The following YTHDC1 variants were observed in gnomAD, a reference collection of about 807,000 sequenced individuals.
YTHDC1 encodes YTH N6-methyladenosine RNA binding protein C1, also known as YTH domain-containing protein 1.
In YTHDC1, 12 loss-of-function variants were observed where a neutral mutation model predicts 107.0. That is an observed-to-expected ratio of 0.11 (90% CI 0.07 to 0.18). YTHDC1 has a LOEUF of 0.18. Ranked by LOEUF, YTHDC1 falls within the 10% of genes least tolerant of loss-of-function variation. The pLI, the probability that YTHDC1 is intolerant of heterozygous loss-of-function variation, is 1.00. For synonymous variants in YTHDC1, 280 were observed against 289.5 expected (o/e 0.97, Z 0.33); for missense variants, 635 against 898.8 (o/e 0.71, Z 3.75).
rs1210615100 is a variant in YTHDC1 at position 68,337,645 on chromosome 4, T to C, written c.386A>G (p.Gln129Arg). 5.6e-6 allele frequency: 9 copies of C among 1,613,922 alleles called. No individual in the cohort carries two copies. In the East Asian group the frequency reaches 1.3e-4, roughly 24 times the overall value. The stretch of plus-strand genomic sequence containing the variant: ...TTTCCGGACACAGGTTTTTTCAGGT[T>C]GATTCTTATAAGGTTCTCTGGAGGC... ...SSASREPYKN[Q>R]PEKTCVRKRD... is the part of the protein sequence containing the mutation. The change falls in exon 3 of 17, where the codon CAA becomes CGA. Residue 129 changes from glutamine to arginine, a missense_variant. Physicochemically the swap from Gln to Arg is conservative, Grantham distance 43. Coordinates refer to ENST00000344157, the MANE Select transcript of YTHDC1 (RefSeq NM_001031732.4).
rs1725855840 is a variant in YTHDC1 at position 68,349,613 on chromosome 4, G to A, written c.28+113C>T. 14 of 1,020,648 alleles carry A rather than the reference G, an allele frequency of 1.4e-5. No homozygotes were observed. The South Asian group carries it at 1.7e-4, about 12-fold the overall frequency. The allele number at this position is 1,020,648 out of a possible 1,614,324, so 63.2% of individuals were successfully genotyped here. On this transcript the variant is annotated intron_variant, in intron 1 of 16. Coordinates refer to ENST00000344157, the MANE Select transcript of YTHDC1 (RefSeq NM_001031732.4). ...GGTGGGGGCCACCGGCTCCTCGCGAGGCCAGCTAACCTCCCCAACCCCCAC... is the reference window on the plus strand; with the variant it reads ...GGTGGGGGCCACCGGCTCCTCGCGAAGCCAGCTAACCTCCCCAACCCCCAC...
At chr4:68,348,664 T>A (rs114232966) in intron 1 of YTHDC1, among the ~76,000 whole-genome samples, 5,005 of 152,210 alleles carry the variant, frequency 0.033, 86 homozygotes, top group Middle Eastern at 0.065. Context: ...AAGACTCTCC[T>A]GATGCAGAAA....
At position 68,311,673 on chromosome 4, in the gene YTHDC1, A is replaced by G. The variant is rs1269517169; in HGVS notation, c.*2426T>C. ...AAAATTAGGAAAGGAGAAAACAGTG[A>G]TGATTATGTGAGCCAACAGAATTGT... On this transcript the variant is annotated 3_prime_UTR_variant, in exon 17 of 17. Transcript: ENST00000344157. 3 of 152,216 alleles carry G rather than the reference A, an allele frequency of 2.0e-5. No homozygotes were observed. The highest frequency in any genetic ancestry group is 6.5e-5 in the Admixed American group (1 of 15,284). The allele number at this position is 152,216 out of a possible 1,614,324, so 9.4% of individuals were successfully genotyped here.
Position 68,312,849 on chromosome 4 carries a change from A to G in YTHDC1, c.*1250T>C, listed in dbSNP as rs1721406361. 6.6e-6 allele frequency: 1 copy of G among 152,232 alleles called. No homozygotes were observed. Among genetic ancestry groups the G allele is most frequent in the East Asian group, 1.9e-4 (1 of 5,202 alleles). The allele number at this position is 152,232 out of a possible 1,614,324, so 9.4% of individuals were successfully genotyped here. ...AAACTCCAGGTGTAACTCAAGAAAA[A>G]ATTCAAAAAAATTATTTCATAAACT... On this transcript the variant is annotated 3_prime_UTR_variant, in exon 17 of 17. Transcript: ENST00000344157.
At chr4:68,342,381 T>A (rs1288559959) in intron 1 of YTHDC1, among the ~76,000 whole-genome samples, 1 of 152,098 alleles carries the variant, frequency 6.6e-6, no homozygotes, top group Non-Finnish European at 1.5e-5. Context: ...TACATGGTAG[T>A]TTAGGACTCT....
chr4:68,335,465 T>C (rs1365861915), intron 4 of YTHDC1, among the ~76,000 whole-genome samples: 4 of 152,160 alleles, frequency 2.6e-5, no homozygotes, highest in Non-Finnish European at 1.5e-5. Flanking sequence ...TAATTTGAAA[T>C]GTCTTCTCCA....
Position 68,332,788 on chromosome 4 carries a change from T to C in YTHDC1, c.1027+6A>G. 1.2e-6 allele frequency: 2 copies of C among 1,612,612 alleles called. No homozygotes were observed. Among genetic ancestry groups the C allele is most frequent in the Non-Finnish European group, 1.7e-6 (2 of 1,179,324 alleles). On this transcript the variant is annotated splice_donor_region_variant and intron_variant, in intron 6 of 16. Coordinates refer to ENST00000344157, the MANE Select transcript of YTHDC1 (RefSeq NM_001031732.4). ...CAATGAAAACAATTTCAAATTTAAATGATACCTTTTCGGACAGCACGAACG... is the reference window on the plus strand; with the variant it reads ...CAATGAAAACAATTTCAAATTTAAACGATACCTTTTCGGACAGCACGAACG...
intron 6 of YTHDC1, 25 bp downstream of exon 6, chr4:68,332,769 A>G (rs2109716603): frequency 1.2e-6 from 2 of 1,608,392 alleles, no homozygotes; most frequent in Non-Finnish European, 8.5e-7. Context: ...CATGCAATGA[A>G]AACAATTTCA....
intron 15 of YTHDC1, among the ~76,000 whole-genome samples, chr4:68,317,558 A>G (rs1464075937): frequency 6.6e-6 from 1 of 152,208 alleles, no homozygotes; most frequent in Non-Finnish European, 1.5e-5. Context: ...TATCTTCAAT[A>G]TCTTAAAATA....
At chr4:68,332,291 C>T (rs531233701) in intron 6 of YTHDC1, 94 bp from the exon 7 acceptor site, 1 of 719,826 alleles carries the variant, frequency 1.4e-6, no homozygotes, top group Non-Finnish European at 2.2e-6. Context: ...CTCCACAACC[C>T]AGCTAAACTT....
At position 68,314,993 on chromosome 4, in the gene YTHDC1, G is replaced by A. The variant is rs115905893; in HGVS notation, c.1960-670C>T. On this transcript the variant is annotated intron_variant, in intron 16 of 16. Transcript: ENST00000344157. ...CATTACCTTTTATATATGTGATTAT[G>A]TAAGTAGAGAATATGTATACTAACC... Among the ~76,000 whole-genome samples the A allele has an allele frequency of 5.9e-3, 895 of 152,212 alleles. 11 individuals are homozygous for A. Among genetic ancestry groups the A allele is most frequent in the African/African-American group, 0.02 (846 of 41,530 alleles).
At chr4:68,345,781 C>T (rs1725340017) in intron 1 of YTHDC1, among the ~76,000 whole-genome samples, 1 of 152,048 alleles carries the variant, frequency 6.6e-6, no homozygotes, top group Non-Finnish European at 1.5e-5. Context: ...ATAGTATATA[C>T]ACATAGTATA....
chr4:68,337,700 C>T lies in YTHDC1; in HGVS notation c.331G>A (p.Ala111Thr), dbSNP rs755153670. The T allele has an allele frequency of 6.2e-7, 1 of 1,614,110 alleles. No homozygotes were observed. Among genetic ancestry groups the T allele is most frequent in the Admixed American group, 1.7e-5 (1 of 59,998 alleles). The change falls in exon 3 of 17, where the codon GCT (alanine) becomes ACT (threonine). Residue 111 changes from alanine to threonine, a missense_variant. By Grantham distance (58) the Ala-to-Thr change is moderately conservative (BLOSUM62 0). Around this residue, in one of 5 missense-constraint regions of YTHDC1, gnomAD observed 294 missense variants for 312.3 expected, o/e 0.94. Transcript: ENST00000344157. The stretch of plus-strand genomic sequence containing the variant: ...CTTGATAGACGAATTTTCCGATCAG[C>T]ATCTAGACGCTTGTTTCTTTCAGAT... ...QRSERNKRLD[A>T]DRKIRLSSSA...
chr4:68,332,041 G>T, intron 7 of YTHDC1, 62 bp downstream of exon 7: 1 of 1,061,946 alleles, frequency 9.4e-7, no homozygotes, highest in Non-Finnish European at 1.4e-6. Context: ...TATAATACAA[G>T]TCTATTTTCC....
rs1723738514 is a variant in YTHDC1 at position 68,332,780 on chromosome 4, A to C, written c.1027+14T>G. ...GCAGCATGCAATGAAAACAATTTCAAATTTAAATGATACCTTTTCGGACAG... is the reference window on the plus strand; with the variant it reads ...GCAGCATGCAATGAAAACAATTTCACATTTAAATGATACCTTTTCGGACAG... On this transcript the variant is annotated intron_variant, in intron 6 of 16. Coordinates refer to ENST00000344157, the MANE Select transcript of YTHDC1 (RefSeq NM_001031732.4). 1.2e-6 allele frequency: 2 copies of C among 1,611,708 alleles called. No individual in the cohort carries two copies. The highest frequency in any genetic ancestry group is 1.7e-6 in the Non-Finnish European group (2 of 1,178,826).
intron 15 of YTHDC1, among the ~76,000 whole-genome samples, chr4:68,317,957 A>G (rs1413366224): frequency 2.0e-5 from 3 of 152,328 alleles, no homozygotes; most frequent in Admixed American, 6.5e-5. Flanking sequence ...AAAAAGAAAT[A>G]TATCTGAACC....
Position 68,320,151 on chromosome 4 carries a change from G to A in YTHDC1, c.1656C>T (p.Asp552=), listed in dbSNP as rs1722293866. 1 of 1,610,028 alleles carries A rather than the reference G, an allele frequency of 6.2e-7. No homozygotes were observed. Among genetic ancestry groups the A allele is most frequent in the South Asian group, 1.1e-5 (1 of 90,332 alleles). ...IHNSRKKPRI[D]YPPEFHQRPG... is the part of the protein sequence containing the mutation. The stretch of plus-strand genomic sequence containing the variant: ...GTCTCTGGTGAAACTCAGGGGGATA[G>A]TCAATCCTTGGTTTCTTTCTGCTGT... The change falls in exon 12 of 17, where the codon GAC becomes GAT. Residue 552 remains aspartate, a synonymous_variant. Coordinates refer to ENST00000344157, the MANE Select transcript of YTHDC1 (RefSeq NM_001031732.4).
At chr4:68,331,723 G>A (rs534072121) in intron 7 of YTHDC1, among the ~76,000 whole-genome samples, 7 of 151,818 alleles carry the variant, frequency 4.6e-5, no homozygotes, top group Non-Finnish European at 7.4e-5. Flanking sequence ...GAACCTCAAA[G>A]TGTAAATCAA....
chr4:68,319,328 G>A (rs1037243503), intron 12 of YTHDC1, among the ~76,000 whole-genome samples: 3 of 152,140 alleles, frequency 2.0e-5, no homozygotes, highest in Admixed American at 1.3e-4. Flanking sequence ...TTGCAAAAAT[G>A]AAGATGTATA....
Sources: allele counts gnomAD v4.1 joint callset (sites outside exome capture counted in the v4.1 genomes callset), GRCh38; gene constraint gnomAD v4.1.1; regional missense constraint gnomAD v4.1.1; transcripts MANE v1.5; gene names NCBI Gene and HGNC (gene_info 2026-07-23, HGNC 2026-07-21).